Variants in TBCD observed in about 807,000 individuals in gnomAD.
TBCD encodes tubulin-specific chaperone D.
A neutral mutation model predicts 169.3 loss-of-function variants in TBCD; 105 were observed. That is an observed-to-expected ratio of 0.62 (90% CI 0.53 to 0.73). The LOEUF (loss-of-function observed/expected upper bound fraction) is 0.73. Among genes scored for constraint, TBCD ranks in the 30% least tolerant of loss-of-function variants. The pLI, the probability that TBCD is intolerant of heterozygous loss-of-function variation, is 0.00. For synonymous variants in TBCD, 700 were observed against 643.9 expected (o/e 1.09, Z -1.32); for missense variants, 1,444 against 1,600.1 (o/e 0.90, Z 1.66).
rs1268486364 is a variant in TBCD, at chr17:82,782,065, C to T, written c.771+344C>T. The stretch of plus-strand genomic sequence containing the variant: ...AGAGACTGAACGAGCTCTAATAAAA[C>T]AAGGTGGGTGAGTTGAAATTTGATT... On this transcript the variant is annotated intron_variant, in intron 7 of 38. Coordinates refer to ENST00000355528, the MANE Select transcript of TBCD (RefSeq NM_005993.5). The surrounding 1 kb of genome is among the most constrained non-coding windows in gnomAD (Gnocchi z 5.1). Among the ~76,000 whole-genome samples the T allele has an allele frequency of 6.6e-6, 1 of 152,202 alleles. No individual in the cohort carries two copies. The highest frequency in any genetic ancestry group is 2.4e-5 in the African/African-American group (1 of 41,442).
intron 7 of TBCD, among the ~76,000 whole-genome samples, chr17:82,786,430 G>C (rs1395213683): frequency 6.6e-6 from 1 of 152,174 alleles, no homozygotes; most frequent in Non-Finnish European, 1.5e-5. Context: ...GTGCTGCTTT[G>C]GGAGGGGAGG....
chr17:82,781,296 T>TG (rs1491135996), intron 6 of TBCD, among the ~76,000 whole-genome samples: 8 of 2,180 alleles, frequency 3.7e-3, no homozygotes, highest in Non-Finnish European at 6.4e-3. Context: ...CAGGTAAAAC[T>TG]GGGGGGGTGG....
chr17:82,754,937 C>G (rs1172270003), intron 1 of TBCD, among the ~76,000 whole-genome samples: 1 of 152,210 alleles, frequency 6.6e-6, no homozygotes, highest in Non-Finnish European at 1.5e-5. Flanking sequence ...AGACGAGTCT[C>G]AATCAGTTTA....
At chr17:82,933,170 G>A (rs769436750) in intron 34 of TBCD, among the ~76,000 whole-genome samples, 2 of 152,154 alleles carry the variant, frequency 1.3e-5, no homozygotes, top group Admixed American at 6.5e-5. Context: ...TCTGCGCCAC[G>A]CGGATGCCCC....
intron 19 of TBCD, among the ~76,000 whole-genome samples, chr17:82,904,645 G>A (rs1288669084): frequency 2.6e-5 from 4 of 152,060 alleles, no homozygotes; most frequent in Admixed American, 6.5e-5. Flanking sequence ...TGTGTGTACC[G>A]TCACTCCCCC....
At chr17:82,758,400 A>AAATAAATAAAT (rs1555672643) in intron 2 of TBCD, among the ~76,000 whole-genome samples, 22 of 100,032 alleles carry the variant, frequency 2.2e-4, no homozygotes, top group South Asian at 1.5e-3. Context: ...AAAAAAAAAA[A>AAATAAATAAAT]AAATAAATAA....
chr17:82,808,502 G>A (rs1173956365), intron 11 of TBCD, among the ~76,000 whole-genome samples: 5 of 136,002 alleles, frequency 3.7e-5, no homozygotes, highest in Admixed American at 1.4e-4. Context: ...AGGTGCTGGG[G>A]GGCGGGGAGG....
chr17:82,758,400 A>AAAAAATAAATAAAT (rs1035939621), intron 2 of TBCD, among the ~76,000 whole-genome samples: 3 of 100,062 alleles, frequency 3.0e-5, no homozygotes, highest in Non-Finnish European at 5.7e-5. Flanking sequence ...AAAAAAAAAA[A>AAAAAATAAATAAAT]AAATAAATAA....
chr17:82,893,642 T>C lies in TBCD; in HGVS notation c.1649+10T>C. ...GTTTCCTGGTTATAAGGTAAGTCTT[T>C]AATGTATATCACAAAAATAGAATAC... On this transcript the variant is annotated intron_variant, in intron 17 of 38. Transcript: ENST00000355528. The C allele has an allele frequency of 6.4e-7, 1 of 1,573,750 alleles. No homozygotes were observed. The highest frequency in any genetic ancestry group is 8.7e-7 in the Non-Finnish European group (1 of 1,155,036).
intron 4 of TBCD, among the ~76,000 whole-genome samples, chr17:82,767,258 C>T (rs59539124): frequency 2.6e-5 from 4 of 152,198 alleles, no homozygotes; most frequent in East Asian, 3.9e-4. Context: ...CTTGTCTCGG[C>T]GTGGATGTGA....
intron 11 of TBCD, 27 bp from the exon 12 acceptor site, chr17:82,809,680 CT>C: frequency 6.2e-7 from 1 of 1,609,130 alleles, no homozygotes. Context: ...GGTGGTGCCC[CT>C]GACGGATTGC....
chr17:82,755,497 A>G (rs1409632232), intron 1 of TBCD, among the ~76,000 whole-genome samples: 1 of 152,200 alleles, frequency 6.6e-6, no homozygotes. Context: ...CTGTCATGTG[A>G]TGCTGTACTA....
At chr17:82,828,613 C>G (rs781700833) in intron 13 of TBCD, among the ~76,000 whole-genome samples, 1 of 149,616 alleles carries the variant, frequency 6.7e-6, no homozygotes, top group African/African-American at 2.5e-5. Flanking sequence ...CGCAGGTACG[C>G]ACACATGCAC....
intron 13 of TBCD, among the ~76,000 whole-genome samples, chr17:82,854,589 G>C (rs575271565): frequency 6.6e-6 from 1 of 152,346 alleles, no homozygotes; most frequent in South Asian, 2.1e-4. Context: ...AGAAAGGCCT[G>C]CAGGTTACTT....
At chr17:82,908,557 A>C in intron 21 of TBCD, 1 of 315,478 alleles carries the variant, frequency 3.2e-6, no homozygotes, top group South Asian at 2.5e-5. Context: ...TTCAGCTCGG[A>C]TTCTTATCCT....
At chr17:82,876,793 T>C (rs914910124) in intron 14 of TBCD, among the ~76,000 whole-genome samples, 1 of 152,208 alleles carries the variant, frequency 6.6e-6, no homozygotes, top group Non-Finnish European at 1.5e-5. Flanking sequence ...GCCAGCTTCG[T>C]TGAAGTGGGC....
chr17:82,945,878 A>T lies in TBCD; in HGVS notation c.*3415A>T, dbSNP rs763715694. On this transcript the variant is annotated 3_prime_UTR_variant, in exon 39 of 39. Transcript: ENST00000355528. ...CAGTTGGATAGTTGGAGGAATGTGGAGCAAGGGAAGCAATAAACTGTGACC... is the reference window on the plus strand; with the variant it reads ...CAGTTGGATAGTTGGAGGAATGTGGTGCAAGGGAAGCAATAAACTGTGACC... 6.6e-5 allele frequency: 10 copies of T among 152,264 alleles called. No individual in the cohort carries two copies. The highest frequency in any genetic ancestry group is 1.5e-4 in the Non-Finnish European group (10 of 68,054). The allele number at this position is 152,264 out of a possible 1,614,324, so 9.4% of individuals were successfully genotyped here.
chr17:82,835,387 G>A lies in TBCD; in HGVS notation c.1318+20453G>A, dbSNP rs1365444623. Reference sequence around the variant, plus strand: ...GGGAAGTGCTCTGATTTTGTTCTCAGCAAACTGGTTTCTCTACTGATTTAT... The same window carrying A: ...GGGAAGTGCTCTGATTTTGTTCTCAACAAACTGGTTTCTCTACTGATTTAT... On this transcript the variant is annotated intron_variant, in intron 13 of 38. Transcript: ENST00000355528. The surrounding 1 kb of genome is among the most constrained non-coding windows in gnomAD (Gnocchi z 4.5). 9.9e-5 allele frequency among the ~76,000 whole-genome samples: 15 copies of A among 152,072 alleles called. No individual in the cohort carries two copies. In the East Asian group the frequency reaches 2.5e-3, roughly 25 times the overall value.
Position 82,889,584 on chromosome 17 carries a change from G to C in TBCD, c.1534-84G>C. The C allele has an allele frequency of 4.5e-6, 7 of 1,543,622 alleles. No individual in the cohort carries two copies. The highest frequency in any genetic ancestry group is 6.3e-6 in the Non-Finnish European group (7 of 1,119,064). On this transcript the variant is annotated intron_variant, in intron 15 of 38. Transcript: ENST00000355528. This position sits in a 1 kb window ranked among gnomAD's most constrained non-coding sequence, Gnocchi z 5.3. ...AAAAATAAAGCCGTGGGTCATTCACGTTGTGCTGTTTGTTCTGAACTTGCC... is the reference window on the plus strand; with the variant it reads ...AAAAATAAAGCCGTGGGTCATTCACCTTGTGCTGTTTGTTCTGAACTTGCC...
Sources: allele counts gnomAD v4.1 joint callset (sites outside exome capture counted in the v4.1 genomes callset), GRCh38; gene constraint gnomAD v4.1.1; non-coding constraint Gnocchi (gnomAD v3.1); transcripts MANE v1.5; gene names NCBI Gene and HGNC (gene_info 2026-07-23, HGNC 2026-07-21).